The following RUNX1 variants were observed in gnomAD, a reference collection of about 807,000 sequenced individuals.
The protein encoded by RUNX1 is RUNX family transcription factor 1, also known as runt-related transcription factor 1.
Under a neutral mutation model 42.8 loss-of-function variants are expected in RUNX1, and 19 were observed. That is an observed-to-expected ratio of 0.44 (90% CI 0.31 to 0.65). The LOEUF is 0.65. Among genes scored for constraint, RUNX1 ranks in the 30% least tolerant of loss-of-function variants. The pLI, the probability that RUNX1 is intolerant of heterozygous loss-of-function variation, is 0.07. For synonymous variants in RUNX1, 271 were observed against 289.4 expected, an observed-to-expected ratio of 0.94 and a Z score of 0.64; for missense variants, 528 against 672.0, an observed-to-expected ratio of 0.79 and a Z score of 2.37.
chr21:34,884,684 T>C lies in RUNX1; in HGVS notation c.351+2159A>G, dbSNP rs180750754. ...TTACTGTCTCACTGAACATTTTGTC[T>C]ACTCTTCTAGTTATGCAGTGAGCAG... On this transcript the variant is annotated intron_variant, in intron 4 of 8. Coordinates refer to ENST00000675419, the MANE Select transcript of RUNX1 (RefSeq NM_001754.5). Among the ~76,000 whole-genome samples the C allele has an allele frequency of 8.5e-4, 130 of 152,356 alleles. 3 individuals carry two copies. Among genetic ancestry groups the C allele is most frequent in the African/African-American group, 3.1e-3 (127 of 41,584 alleles).
rs1006830526 is a variant in RUNX1, at chr21:34,843,875, C to A, written c.614-9274G>T. Among the ~76,000 whole-genome samples the A allele has an allele frequency of 3.3e-5, 5 of 152,312 alleles. No homozygotes were observed. Among genetic ancestry groups the A allele is most frequent in the Admixed American group, 2.6e-4 (4 of 15,310 alleles). On this transcript the variant is annotated intron_variant, in intron 6 of 8. Transcript: ENST00000675419. The surrounding 1 kb of genome is among the most constrained non-coding windows in gnomAD (Gnocchi z 4.8). ...GCCAGGGCTCACTGTCCATTTCTGT[C>A]TGGTGACTAAGGAGGTAACTTGAGC...
intron 6 of RUNX1, chr21:34,859,214 C>A: frequency 1.9e-6 from 1 of 524,566 alleles, no homozygotes; most frequent in Non-Finnish European, 3.5e-6. Flanking sequence ...TCATGCTGCC[C>A]TGAATGGTTC....
chr21:34,910,642 G>T (rs902441745), intron 2 of RUNX1, among the ~76,000 whole-genome samples: 1 of 152,224 alleles, frequency 6.6e-6, no homozygotes, highest in African/African-American at 2.4e-5. Flanking sequence ...TCCAGGTGCT[G>T]CCCTGTGAGT....
chr21:34,940,146 T>C (rs1368826053), intron 2 of RUNX1, among the ~76,000 whole-genome samples: 1 of 151,964 alleles, frequency 6.6e-6, no homozygotes, highest in East Asian at 1.9e-4. Flanking sequence ...TCATGGGTGG[T>C]ATGAGTTGAG....
intron 2 of RUNX1, among the ~76,000 whole-genome samples, chr21:35,006,070 C>G (rs1447364276): frequency 6.6e-6 from 1 of 152,192 alleles, no homozygotes; most frequent in East Asian, 1.9e-4. Flanking sequence ...AATTTTAAGT[C>G]ATTCTCTAAG....
intron 7 of RUNX1, among the ~76,000 whole-genome samples, chr21:34,831,144 C>T (rs1184431486): frequency 2.0e-5 from 3 of 152,092 alleles, no homozygotes; most frequent in Non-Finnish European, 2.9e-5. Context: ...AAGACTCGAT[C>T]GTAGAAGTTA....
chr21:35,048,944 A>T lies in RUNX1; in HGVS notation c.-45T>A. ...ACCCTCTTCTGAAGGCGGGGGACTC[A>T]ATGATTTCTTTTACCTTCGGAGCGA... is the stretch of plus-strand genomic sequence containing the variant. On this transcript the variant is annotated 5_prime_UTR_variant, in exon 2 of 9. Coordinates refer to ENST00000675419, the MANE Select transcript of RUNX1 (RefSeq NM_001754.5). 2 of 1,578,126 alleles carry T rather than the reference A, an allele frequency of 1.3e-6. No individual in the cohort carries two copies. The highest frequency in any genetic ancestry group is 1.7e-6 in the Non-Finnish European group (2 of 1,147,868).
chr21:34,814,971 G>A (rs539826841), intron 7 of RUNX1, among the ~76,000 whole-genome samples: 2 of 151,896 alleles, frequency 1.3e-5, no homozygotes, highest in East Asian at 1.9e-4. Context: ...GTACTACCCC[G>A]AAAAAATGCA....
chr21:34,816,626 C>T (rs1456137311), intron 7 of RUNX1, among the ~76,000 whole-genome samples: 1 of 151,874 alleles, frequency 6.6e-6, no homozygotes, highest in Admixed American at 6.6e-5. Flanking sequence ...TCAGTGAGGA[C>T]AAAGATGTTC....
At chr21:34,925,256 T>C (rs1414113694) in intron 2 of RUNX1, among the ~76,000 whole-genome samples, 1 of 152,226 alleles carries the variant, frequency 6.6e-6, no homozygotes, top group Non-Finnish European at 1.5e-5. Context: ...AATTGGATCA[T>C]GTGAGTTTAT....
rs1197877669 is a variant in RUNX1 at position 34,792,562 on chromosome 21, A to G, written c.1016T>C (p.Leu339Pro). The G allele has an allele frequency of 6.2e-7, 1 of 1,606,690 alleles. No homozygotes were observed. Among genetic ancestry groups the G allele is most frequent in the Admixed American group, 1.7e-5 (1 of 59,100 alleles). Residue 339 changes from leucine to proline, a missense_variant, in exon 9 of 9, where the codon CTG (leucine) becomes CCG (proline). Transcript: ENST00000675419. This position sits in a 1 kb window ranked among gnomAD's most constrained non-coding sequence, Gnocchi z 6.9. Reference protein sequence around the residue: ...AFSDPRQFPALPSISDPRMHY... With the variant: ...AFSDPRQFPAPPSISDPRMHY... ...CATGCGGGGGTCGGAGATGGAGGGC[A>G]GCGCGGGGAACTGGCGCGGGTCGCT...
chr21:34,871,606 A>T (rs1802232013), intron 5 of RUNX1, among the ~76,000 whole-genome samples: 1 of 152,054 alleles, frequency 6.6e-6, no homozygotes, highest in Admixed American at 6.5e-5. Flanking sequence ...CAGTGTAAAA[A>T]CCGGTGATGG....
chr21:34,863,351 A>G (rs1227251439), intron 5 of RUNX1, among the ~76,000 whole-genome samples: 1 of 152,178 alleles, frequency 6.6e-6, no homozygotes, highest in Non-Finnish European at 1.5e-5. Flanking sequence ...ATTCTAATGT[A>G]CCAATGGTAC....
intron 2 of RUNX1, among the ~76,000 whole-genome samples, chr21:34,961,572 C>T (rs2058682196): frequency 6.6e-6 from 1 of 152,110 alleles, no homozygotes; most frequent in Admixed American, 6.5e-5. Context: ...AAGAGCCTAT[C>T]ACTTTCTTTA....
At chr21:34,882,080 C>G (rs1317525388) in intron 4 of RUNX1, among the ~76,000 whole-genome samples, 1 of 152,208 alleles carries the variant, frequency 6.6e-6, no homozygotes, top group Non-Finnish European at 1.5e-5. Context: ...ACTCCTTCCT[C>G]TGCCTCCTAC....
chr21:35,027,343 T>C (rs1458302619), intron 2 of RUNX1, among the ~76,000 whole-genome samples: 1 of 152,218 alleles, frequency 6.6e-6, no homozygotes, highest in Admixed American at 6.5e-5. Flanking sequence ...ATGGGGACGA[T>C]GATTCAGCAG....
At chr21:34,889,839 A>T (rs1015167402) in intron 3 of RUNX1, 2 of 1,108,288 alleles carry the variant, frequency 1.8e-6, no homozygotes, top group East Asian at 4.9e-5. Flanking sequence ...TCCCGTCACC[A>T]TGAGTCCCTC....
At chr21:34,948,358 G>A (rs2058581206) in intron 2 of RUNX1, among the ~76,000 whole-genome samples, 4 of 152,134 alleles carry the variant, frequency 2.6e-5, no homozygotes, top group African/African-American at 9.7e-5. Context: ...TCAAGCAAGA[G>A]TGACTTGCAT....
intron 2 of RUNX1, among the ~76,000 whole-genome samples, chr21:34,943,112 T>C (rs753644423): frequency 6.6e-6 from 1 of 152,132 alleles, no homozygotes; most frequent in Non-Finnish European, 1.5e-5. Flanking sequence ...ACAGGGACAA[T>C]CAATCATGTC....
Sources: allele counts gnomAD v4.1 joint callset (sites outside exome capture counted in the v4.1 genomes callset), GRCh38; gene constraint gnomAD v4.1.1; non-coding constraint Gnocchi (gnomAD v3.1); transcripts MANE v1.5; gene names NCBI Gene and HGNC (gene_info 2026-07-23, HGNC 2026-07-21).